RALGAPA1: variants seen among roughly 807,000 people sequenced by gnomAD.
The protein encoded by RALGAPA1 is Ral GTPase activating protein catalytic subunit alpha 1, also known as ral GTPase-activating protein subunit alpha-1.
RALGAPA1 carries 52 observed loss-of-function variants against 269.6 expected under a neutral mutation model. That is an observed-to-expected ratio of 0.19 (90% confidence interval 0.15 to 0.24). The LOEUF (loss-of-function observed/expected upper bound fraction) is 0.24. RALGAPA1 is among the 10% of genes least tolerant of loss of function. RALGAPA1 has a pLI of 1.00. For synonymous variants in RALGAPA1, 817 were observed against 1,008.3 expected, an observed-to-expected ratio of 0.81 and a Z score of 3.60; for missense variants, 1,917 against 3,013.9, an observed-to-expected ratio of 0.64 and a Z score of 8.52.
chr14:35,685,454 A>G (rs1273231052), intron 19 of RALGAPA1, among the ~76,000 whole-genome samples: 5 of 152,156 alleles, frequency 3.3e-5, no homozygotes, highest in Non-Finnish European at 4.4e-5. Flanking sequence ...GCAGCAAATA[A>G]AAAAGACAGT....
At chr14:35,559,873 T>C (rs1347950214) in intron 39 of RALGAPA1, among the ~76,000 whole-genome samples, 1 of 152,192 alleles carries the variant, frequency 6.6e-6, no homozygotes. Flanking sequence ...TAAAGGATTG[T>C]TGTGCAAGAA....
chr14:35,589,133 A>G (rs2058484125), intron 37 of RALGAPA1, among the ~76,000 whole-genome samples: 1 of 152,220 alleles, frequency 6.6e-6, no homozygotes. Context: ...TAAGCAAAAC[A>G]ACATATAGCA....
chr14:35,667,728 G>A (rs1289726065), intron 26 of RALGAPA1, among the ~76,000 whole-genome samples: 2 of 152,184 alleles, frequency 1.3e-5, no homozygotes, highest in Non-Finnish European at 2.9e-5. Flanking sequence ...TAGTATAGCT[G>A]CTATGGAGAA....
At chr14:35,792,200 A>T (rs919408770) in intron 1 of RALGAPA1, among the ~76,000 whole-genome samples, 2 of 152,032 alleles carry the variant, frequency 1.3e-5, no homozygotes, top group East Asian at 3.9e-4. Flanking sequence ...TCTGCTGCTC[A>T]GACTGGAGTG....
At chr14:35,577,584 G>A (rs1376586610) in intron 37 of RALGAPA1, among the ~76,000 whole-genome samples, 1 of 152,076 alleles carries the variant, frequency 6.6e-6, no homozygotes, top group East Asian at 1.9e-4. Context: ...TTCAGTCTAT[G>A]GTATTTTTGT....
At chr14:35,748,981 C>T (rs2072417040) in intron 9 of RALGAPA1, among the ~76,000 whole-genome samples, 157 bp from the exon 10 acceptor site, 1 of 152,006 alleles carries the variant, frequency 6.6e-6, no homozygotes, top group South Asian at 2.1e-4. Context: ...CATTTAAAAG[C>T]CATTCTAAAT....
chr14:35,601,943 C>G (rs1472884901), intron 36 of RALGAPA1, among the ~76,000 whole-genome samples: 7 of 152,060 alleles, frequency 4.6e-5, no homozygotes, highest in African/African-American at 1.4e-4. Context: ...CCCAAAGAAA[C>G]CCCATATCTT....
intron 33 of RALGAPA1, among the ~76,000 whole-genome samples, chr14:35,628,175 T>G (rs933554372): frequency 9.9e-5 from 15 of 152,204 alleles, no homozygotes; most frequent in Non-Finnish European, 1.5e-4. Context: ...GGTCCATAAT[T>G]TAAACCAAGG....
At chr14:35,647,847 C>T (rs974472172) in intron 31 of RALGAPA1, among the ~76,000 whole-genome samples, 6 of 152,070 alleles carry the variant, frequency 3.9e-5, no homozygotes, top group Non-Finnish European at 8.8e-5. Flanking sequence ...ACTAGGGAGG[C>T]TGAGGCAGGA....
intron 33 of RALGAPA1, among the ~76,000 whole-genome samples, chr14:35,630,295 T>C (rs1305741075): frequency 6.8e-6 from 1 of 147,322 alleles, no homozygotes. Context: ...ATTTACTGGT[T>C]TTTTTTTTTT....
chr14:35,674,518 T>C lies in RALGAPA1; in HGVS notation c.4816A>G (p.Lys1606Glu). ...YLCELWQNLAKIRDNLGISTD... is the reference protein window; with the variant it reads ...YLCELWQNLAEIRDNLGISTD... The stretch of plus-strand genomic sequence containing the variant: ...TATATCCGCTATTTCTTTTTTACCT[T>C]AGCTAGATTCTGCCAAAGTTCACAG... Residue 1606 changes from lysine to glutamate, a missense_variant and splice_region_variant, in exon 23 of 42, where the codon AAG becomes GAG. This residue lies in a region of RALGAPA1 where 73 missense variants were observed against 190.6 expected (regional missense o/e 0.38). Coordinates refer to ENST00000680220, the MANE Select transcript of RALGAPA1 (RefSeq NM_001346249.2). 6.2e-7 allele frequency: 1 copy of C among 1,602,872 alleles called. No individual in the cohort carries two copies. The highest frequency in any genetic ancestry group is 8.5e-7 in the Non-Finnish European group (1 of 1,175,006).
At position 35,683,859 on chromosome 14, in the gene RALGAPA1, G is replaced by A. The variant is rs2065678432; in HGVS notation, c.4421C>T (p.Thr1474Ile). The A allele has an allele frequency of 6.2e-7, 1 of 1,611,166 alleles. No homozygotes were observed. Among genetic ancestry groups the A allele is most frequent in the East Asian group, 2.2e-5 (1 of 44,774 alleles). ...GAAAGCTTGCTGATTAAGACTGCTT[G>A]TTTCAGAATCTATATGAAGAGTAGT... ...SLTTLHIDSE[T>I]SSLNQQAFSA... Residue 1474 changes from threonine (T) to isoleucine (I), a missense_variant, in exon 21 of 42, where the codon ACA becomes ATA. By Grantham distance (89) the Thr-to-Ile change is moderately conservative (BLOSUM62 -1). Coordinates refer to ENST00000680220, the MANE Select transcript of RALGAPA1 (RefSeq NM_001346249.2).
chr14:35,624,226 AAAG>A (rs1447619988), intron 35 of RALGAPA1, among the ~76,000 whole-genome samples: 3 of 151,122 alleles, frequency 2.0e-5, no homozygotes, highest in Non-Finnish European at 3.0e-5. Flanking sequence ...AAAAAAAAAA[AAAG>A]GAGTCCAGTG....
chr14:35,560,571 T>C (rs545639385), intron 39 of RALGAPA1, among the ~76,000 whole-genome samples: 3 of 152,300 alleles, frequency 2.0e-5, no homozygotes, highest in Admixed American at 6.5e-5. Flanking sequence ...ATATCACTAT[T>C]GCTGAATGAC....
intron 37 of RALGAPA1, among the ~76,000 whole-genome samples, chr14:35,579,131 T>C (rs564269587): frequency 6.6e-6 from 1 of 152,252 alleles, no homozygotes; most frequent in African/African-American, 2.4e-5. Context: ...GGAAGCCTGA[T>C]AATGTGGAGA....
At chr14:35,595,280 T>C (rs1265028462) in intron 37 of RALGAPA1, among the ~76,000 whole-genome samples, 1 of 152,066 alleles carries the variant, frequency 6.6e-6, no homozygotes, top group Non-Finnish European at 1.5e-5. Flanking sequence ...ATTTTAGCTG[T>C]TCTTGTCATA....
chr14:35,562,223 T>C (rs977476175), intron 39 of RALGAPA1, among the ~76,000 whole-genome samples: 9 of 152,150 alleles, frequency 5.9e-5, no homozygotes, highest in Admixed American at 2.0e-4. Flanking sequence ...AGCAGCAAAA[T>C]TGGAAACCTC....
intron 26 of RALGAPA1, among the ~76,000 whole-genome samples, chr14:35,669,285 G>A (rs1233829688): frequency 3.3e-5 from 5 of 151,668 alleles, no homozygotes; most frequent in Admixed American, 1.3e-4. Flanking sequence ...ACTGAGTTTC[G>A]CTCTTGTTGC....
intron 35 of RALGAPA1, among the ~76,000 whole-genome samples, chr14:35,624,964 G>A (rs2060898260): frequency 6.6e-6 from 1 of 152,008 alleles, no homozygotes; most frequent in Non-Finnish European, 1.5e-5. Context: ...GCCGAGGCGG[G>A]CAGATCACAA....
Sources: allele counts gnomAD v4.1 joint callset (sites outside exome capture counted in the v4.1 genomes callset), GRCh38; gene constraint gnomAD v4.1.1; regional missense constraint gnomAD v4.1.1; transcripts MANE v1.5; gene names NCBI Gene and HGNC (gene_info 2026-07-23, HGNC 2026-07-21).